The following ERAP1 variants were observed in gnomAD, a reference collection of about 807,000 sequenced individuals.
ERAP1 encodes the protein endoplasmic reticulum aminopeptidase 1.
ERAP1 carries 86 observed loss-of-function variants against 103.7 expected under a neutral mutation model. The ratio of observed to expected loss-of-function variants is 0.83; its 90% CI spans 0.70 to 0.99. The LOEUF is 0.99. Ranked by LOEUF, ERAP1 falls within the 50% of genes least tolerant of loss-of-function variation. The pLI, the probability that ERAP1 is intolerant of heterozygous loss-of-function variation, is 0.00. For missense variants in ERAP1, 1,009 were observed against 1,128.4 expected, an observed-to-expected ratio of 0.89 and a Z score of 1.52; for synonymous variants, 398 against 402.4, an observed-to-expected ratio of 0.99 and a Z score of 0.13.
chr5:96,885,094 T>A, the ERAP1 span, among the ~76,000 whole-genome samples: 1 of 152,234 alleles, frequency 6.6e-6, no homozygotes. Context: ...ATCGTCTTCA[T>A]CTGGTGGGGA....
chr5:96,874,494 G>A, the ERAP1 span, among the ~76,000 whole-genome samples: 10 of 152,194 alleles, frequency 6.6e-5, no homozygotes, highest in South Asian at 2.1e-4. Context: ...GTTAGAGTCC[G>A]TAGATAAGCC....
At chr5:96,893,180 A>G in the ERAP1 span, among the ~76,000 whole-genome samples, 1 of 152,156 alleles carries the variant, frequency 6.6e-6, no homozygotes, top group South Asian at 2.1e-4. Flanking sequence ...TGGAATTGTA[A>G]AACTAGGTCT....
chr5:96,874,569 A>G, the ERAP1 span, among the ~76,000 whole-genome samples: 1 of 152,158 alleles, frequency 6.6e-6, no homozygotes, highest in African/African-American at 2.4e-5. Flanking sequence ...GCTTCCAGCC[A>G]TCCCCCTTCC....
At chr5:96,776,738 TTC>T (rs1278563700) in intron 18 of ERAP1, 187 bp from the exon 19 acceptor site, 15 of 779,624 alleles carry the variant, frequency 1.9e-5, no homozygotes, top group Middle Eastern at 3.8e-4. Context: ...TGATGTCAAG[TTC>T]TGTTTTTTGT....
chr5:96,909,857 G>A, the ERAP1 span: 4 of 1,293,902 alleles, frequency 3.1e-6, no homozygotes, highest in Non-Finnish European at 3.2e-6. Context: ...ACCTTTTAGT[G>A]AGGATAGAAA....
the ERAP1 span, among the ~76,000 whole-genome samples, chr5:96,813,643 C>CT: frequency 4.7e-5 from 2 of 42,762 alleles, no homozygotes; most frequent in East Asian, 9.0e-4. Flanking sequence ...CACAGCAAGA[C>CT]TCATCTCAAA....
chr5:96,836,107 G>C, the ERAP1 span, among the ~76,000 whole-genome samples: 3 of 148,082 alleles, frequency 2.0e-5, no homozygotes, highest in African/African-American at 7.4e-5. Context: ...TTCTGGTATT[G>C]AAAAAATGAA....
downstream of ERAP1, among the ~76,000 whole-genome samples, chr5:96,771,162 T>C (rs1772158672): frequency 2.0e-5 from 3 of 152,216 alleles, no homozygotes; most frequent in African/African-American, 7.2e-5. Context: ...GGAAACAGCA[T>C]TGATAATTGG....
the ERAP1 span, chr5:96,900,228 G>C: frequency 1.2e-6 from 2 of 1,611,836 alleles, no homozygotes; most frequent in Non-Finnish European, 8.5e-7. Context: ...AGAGATCTGT[G>C]GAATAGCCTG....
the ERAP1 span, among the ~76,000 whole-genome samples, chr5:96,876,999 GA>G: frequency 6.6e-6 from 1 of 152,024 alleles, no homozygotes; most frequent in Non-Finnish European, 1.5e-5. Flanking sequence ...TTTTGAGAGA[GA>G]GCCTCGCTCT....
At chr5:96,933,211 CTTTTTTTTTTTT>C in the ERAP1 span, among the ~76,000 whole-genome samples, 1 of 72,808 alleles carries the variant, frequency 1.4e-5, no homozygotes, top group Non-Finnish European at 2.4e-5. Flanking sequence ...AAAACCACGT[CTTTTTTTTTTTT>C]TTTTTTTTTT....
chr5:96,882,501 C>A, the ERAP1 span, among the ~76,000 whole-genome samples: 10 of 152,230 alleles, frequency 6.6e-5, no homozygotes, highest in Admixed American at 4.6e-4. Context: ...ATCTCTCTCT[C>A]TTTCTTCCTC....
chr5:96,929,938 C>T, the ERAP1 span, among the ~76,000 whole-genome samples: 1 of 151,926 alleles, frequency 6.6e-6, no homozygotes, highest in Non-Finnish European at 1.5e-5. Context: ...GGTTGCCTGC[C>T]TAACATTTTG....
chr5:96,859,966 C>T, the ERAP1 span, among the ~76,000 whole-genome samples: 90 of 152,264 alleles, frequency 5.9e-4, 1 homozygote, highest in East Asian at 0.014. Context: ...GGCTGGGCTG[C>T]AGTGAATGGC....
At chr5:96,764,795 A>ACTAC (rs1769262600) in intron 19 of ERAP1, among the ~76,000 whole-genome samples, 1 of 152,186 alleles carries the variant, frequency 6.6e-6, no homozygotes, top group Admixed American at 6.5e-5. Flanking sequence ...TGACAACATT[A>ACTAC]GTAGATGTTT....
At chr5:96,907,195 TAAAC>T in the ERAP1 span, among the ~76,000 whole-genome samples, 1 of 152,226 alleles carries the variant, frequency 6.6e-6, no homozygotes, top group African/African-American at 2.4e-5. Context: ...TTCTTTAAGC[TAAAC>T]AAACATTCAG....
chr5:96,776,098 G>A lies in ERAP1; in HGVS notation c.*298C>T, dbSNP rs113677417. The A allele has an allele frequency of 7.7e-6, 10 of 1,296,960 alleles. 1 individual carries two copies. The highest frequency in any genetic ancestry group is 2.1e-4 in the Middle Eastern group (1 of 4,844). The allele number at this position is 1,296,960 out of a possible 1,614,324, so 80.3% of individuals were successfully genotyped here. ...ACATGGGGTACAGGGTTTTGGACAC[G>A]GGTGCTTAAGCATAAACTATAAAAT... On this transcript the variant is annotated 3_prime_UTR_variant, in exon 19 of 19. Coordinates refer to ENST00000443439, the MANE Select transcript of ERAP1 (RefSeq NM_001040458.3).
the ERAP1 span, among the ~76,000 whole-genome samples, chr5:96,843,502 C>A: frequency 6.6e-6 from 1 of 152,202 alleles, no homozygotes. Flanking sequence ...AGTTTTTCAT[C>A]TGCCATGCAC....
chr5:96,786,383 A>G (rs971553371), intron 12 of ERAP1, 87 bp downstream of exon 12: 7 of 939,202 alleles, frequency 7.5e-6, no homozygotes, highest in Non-Finnish European at 1.2e-5. Context: ...GCTTTAACCA[A>G]GATAAATAGC....
Sources: allele counts gnomAD v4.1 joint callset (sites outside exome capture counted in the v4.1 genomes callset), GRCh38; gene constraint gnomAD v4.1.1; transcripts MANE v1.5; gene names NCBI Gene and HGNC (gene_info 2026-07-23, HGNC 2026-07-21).